CEPT1: variants seen among roughly 807,000 people sequenced by gnomAD.
The protein encoded by CEPT1 is choline/ethanolamine phosphotransferase 1, also known as choline/ethanolaminephosphotransferase 1.
A neutral mutation model predicts 42.6 loss-of-function variants in CEPT1; 7 were observed. The ratio of observed to expected loss-of-function variants is 0.16; its 90% confidence interval spans 0.09 to 0.31. The LOEUF (loss-of-function observed/expected upper bound fraction) is 0.31. Ranked by LOEUF, CEPT1 falls within the 10% of genes least tolerant of loss-of-function variation. The probability of loss-of-function intolerance (pLI) is 1.00; values close to 1 mark genes in which losing one functional copy is unlikely to be tolerated. For synonymous variants in CEPT1, 171 were observed against 171.9 expected (o/e 0.99, Z 0.04); for missense variants, 306 against 502.1 (o/e 0.61, Z 3.73).
chr1:111,151,215 C>G (rs1655256959), intron 2 of CEPT1, among the ~76,000 whole-genome samples: 1 of 151,604 alleles, frequency 6.6e-6, no homozygotes, highest in African/African-American at 2.4e-5. Flanking sequence ...ACCTCCACCT[C>G]CCTGGTTCAA....
At chr1:111,159,601 A>C (rs776173141) in intron 3 of CEPT1, 74 bp downstream of exon 3, 27 of 1,099,692 alleles carry the variant, frequency 2.5e-5, no homozygotes. Context: ...GTTAGAATAC[A>C]TGTTTAGTCA....
At chr1:111,162,151 A>G (rs1655907484) in intron 4 of CEPT1, among the ~76,000 whole-genome samples, 1 of 152,224 alleles carries the variant, frequency 6.6e-6, no homozygotes, top group East Asian at 1.9e-4. Context: ...TTTACCCTGA[A>G]TCTGCAGGGA....
At chr1:111,161,501 T>A (rs922557317) in intron 4 of CEPT1, among the ~76,000 whole-genome samples, 21 of 152,124 alleles carry the variant, frequency 1.4e-4, no homozygotes, top group Non-Finnish European at 5.9e-5. Context: ...TATCAGAACC[T>A]CCCAGCCAGT....
intron 4 of CEPT1, among the ~76,000 whole-genome samples, chr1:111,168,272 A>G (rs1024166580): frequency 2.0e-5 from 3 of 152,174 alleles, no homozygotes; most frequent in Non-Finnish European, 4.4e-5. Flanking sequence ...ACACTTTAGC[A>G]TAAGAAAAAA....
At chr1:111,159,210 C>A (rs1027256466) in intron 2 of CEPT1, among the ~76,000 whole-genome samples, 170 bp from the exon 3 acceptor site, 1 of 150,122 alleles carries the variant, frequency 6.7e-6, no homozygotes, top group Non-Finnish European at 1.5e-5. Context: ...CCACCGCGCC[C>A]GGCATTCTTT....
chr1:111,165,857 G>A (rs1171009302), intron 4 of CEPT1, among the ~76,000 whole-genome samples: 2 of 152,070 alleles, frequency 1.3e-5, no homozygotes, highest in African/African-American at 2.4e-5. Flanking sequence ...ATTCCACTAG[G>A]TAGTCTGACA....
chr1:111,157,514 T>C (rs1312113364), intron 2 of CEPT1, among the ~76,000 whole-genome samples: 2 of 152,250 alleles, frequency 1.3e-5, no homozygotes, highest in African/African-American at 4.8e-5. Context: ...AGATGACTGA[T>C]GGCTGCTGTG....
intron 1 of CEPT1, among the ~76,000 whole-genome samples, chr1:111,142,727 G>C (rs1366860398): frequency 6.6e-6 from 1 of 152,184 alleles, no homozygotes; most frequent in African/African-American, 2.4e-5. Context: ...TGTGGGAAAA[G>C]AATGTTAACA....
intron 2 of CEPT1, among the ~76,000 whole-genome samples, chr1:111,157,242 A>G (rs545870517): frequency 6.6e-6 from 1 of 152,194 alleles, no homozygotes; most frequent in Non-Finnish European, 1.5e-5. Context: ...GATTGTGTAT[A>G]TACTAGTTAT....
intron 5 of CEPT1, among the ~76,000 whole-genome samples, chr1:111,177,974 T>C (rs1656770256): frequency 6.6e-6 from 1 of 152,212 alleles, no homozygotes; most frequent in Non-Finnish European, 1.5e-5. Context: ...GTTTTTTCTT[T>C]TTTAACAACT....
At chr1:111,158,937 G>A (rs1206082904) in intron 2 of CEPT1, among the ~76,000 whole-genome samples, 10 of 95,148 alleles carry the variant, frequency 1.1e-4, no homozygotes, top group African/African-American at 1.3e-4. Context: ...TTTTTGAGAC[G>A]GAGTCTCGCT....
intron 1 of CEPT1, among the ~76,000 whole-genome samples, chr1:111,147,129 T>G (rs1655013168): frequency 6.6e-6 from 1 of 152,212 alleles, no homozygotes; most frequent in Non-Finnish European, 1.5e-5. Context: ...CTAGGGTGGT[T>G]GTGAGGATTA....
rs1230075739 is a variant in CEPT1 at position 111,182,836 on chromosome 1, C to T, written c.884C>T (p.Ser295Leu). 1 of 1,613,456 alleles carries T rather than the reference C, an allele frequency of 6.2e-7. No individual in the cohort carries two copies. The highest frequency in any genetic ancestry group is 1.7e-5 in the Admixed American group (1 of 60,006). The change falls in exon 7 of 9, where the codon TCA becomes TTA. Residue 295 changes from serine to leucine, a missense_variant. Around this residue, in one of 2 missense-constraint regions of CEPT1, gnomAD observed 253 missense variants for 447.3 expected, o/e 0.57. Transcript: ENST00000357172. ...CTTTCTCCTTTTCTCCATATTGGATCAGTGATTACATTAGCTGCAATGATC... is the reference window on the plus strand; with the variant it reads ...CTTTCTCCTTTTCTCCATATTGGATTAGTGATTACATTAGCTGCAATGATC... Reference protein sequence around the residue: ...SVLSPFLHIGSVITLAAMIYK... With the variant: ...SVLSPFLHIGLVITLAAMIYK...
At chr1:111,176,743 A>C (rs1308418968) in intron 5 of CEPT1, among the ~76,000 whole-genome samples, 1 of 152,196 alleles carries the variant, frequency 6.6e-6, no homozygotes, top group African/African-American at 2.4e-5. Flanking sequence ...CCCAAAGGTA[A>C]TTTTATACAA....
chr1:111,141,570 A>G (rs1403375947), intron 1 of CEPT1, among the ~76,000 whole-genome samples: 1 of 152,134 alleles, frequency 6.6e-6, no homozygotes, highest in African/African-American at 2.4e-5. Flanking sequence ...AACCTATAAA[A>G]TACCAAGCTT....
Position 111,176,191 on chromosome 1 carries a change from A to G in CEPT1, c.714+1228A>G, listed in dbSNP as rs551964838. Among the ~76,000 whole-genome samples the G allele has an allele frequency of 1.3e-4, 20 of 152,286 alleles. No homozygotes were observed. In the East Asian group the frequency reaches 2.5e-3, roughly 19 times the overall value. On this transcript the variant is annotated intron_variant, in intron 5 of 8. Coordinates refer to ENST00000357172, the MANE Select transcript of CEPT1 (RefSeq NM_006090.5). ...CTGAAACTATTCAGTTATGTACATA[A>G]TATCATTCAGTTATGTATCTTAGAT... is the stretch of plus-strand genomic sequence containing the variant.
intron 8 of CEPT1, 77 bp from the exon 9 acceptor site, chr1:111,184,113 CA>C: frequency 7.0e-7 from 1 of 1,432,352 alleles, no homozygotes; most frequent in Non-Finnish European, 9.6e-7. Flanking sequence ...GTAGAGAGAA[CA>C]GAGTCCAGTC....
intron 3 of CEPT1, chr1:111,160,642 C>T (rs1557930690): frequency 1.3e-5 from 2 of 152,588 alleles, no homozygotes; most frequent in Admixed American, 6.5e-5. Flanking sequence ...GGCAGGCTTC[C>T]TATTATTTAT....
chr1:111,172,640 C>G (rs1316391217), intron 4 of CEPT1, among the ~76,000 whole-genome samples: 1 of 152,158 alleles, frequency 6.6e-6, no homozygotes, highest in Non-Finnish European at 1.5e-5. Flanking sequence ...TCCCTCTTAG[C>G]TTGCTTTAGT....
Sources: gnomAD v4.1 joint callset for allele counts (sites outside exome capture counted in the v4.1 genomes callset) on GRCh38, gnomAD v4.1.1 for gene constraint, gnomAD v4.1.1 regional missense constraint, MANE v1.5 for transcripts, NCBI Gene and HGNC (gene_info 2026-07-23, HGNC 2026-07-21) for gene names.